Variants in NRXN3 observed in about 807,000 individuals in gnomAD.
The protein encoded by NRXN3 is neurexin III.
NRXN3 carries 32 observed loss-of-function variants against 137.6 expected under a neutral mutation model. That is an observed-to-expected ratio of 0.23 (90% CI 0.18 to 0.31). The LOEUF (loss-of-function observed/expected upper bound fraction) is 0.31. NRXN3 is among the 10% of genes least tolerant of loss of function. The probability of loss-of-function intolerance (pLI) is 1.00; values close to 1 mark genes in which losing one functional copy is unlikely to be tolerated. For synonymous variants in NRXN3, 798 were observed against 784.5 expected, an observed-to-expected ratio of 1.02 and a Z score of -0.29; for missense variants, 1,574 against 2,062.5, an observed-to-expected ratio of 0.76 and a Z score of 4.59.
chr14:78,396,763 C>G (rs1365107610), intron 4 of NRXN3, among the ~76,000 whole-genome samples: 1 of 151,648 alleles, frequency 6.6e-6, no homozygotes, highest in African/African-American at 2.4e-5. Flanking sequence ...TTTTTTTGGT[C>G]TTCAGTTTTG....
At chr14:78,926,783 A>T (rs558444732) in intron 10 of NRXN3, among the ~76,000 whole-genome samples, 22 of 32,246 alleles carry the variant, frequency 6.8e-4, no homozygotes, top group East Asian at 1.8e-3. Context: ...ATATATATAA[A>T]ATATATTATA....
At chr14:78,937,999 A>C (rs2099345373) in intron 10 of NRXN3, among the ~76,000 whole-genome samples, 1 of 152,266 alleles carries the variant, frequency 6.6e-6, no homozygotes, top group African/African-American at 2.4e-5. Context: ...CATTTAGACA[A>C]GTGATTATTA....
intron 19 of NRXN3, among the ~76,000 whole-genome samples, chr14:79,720,130 A>G (rs536750801): frequency 2.3e-4 from 35 of 152,204 alleles, no homozygotes; most frequent in East Asian, 1.2e-3. Context: ...CCACATGGCT[A>G]GGGAGGCCTC....
intron 3 of NRXN3, among the ~76,000 whole-genome samples, chr14:78,292,730 C>T (rs112845729): frequency 3.4e-3 from 513 of 152,242 alleles, no homozygotes; most frequent in Non-Finnish European, 4.8e-3. Context: ...AAGCCAGAGC[C>T]GATGGTGAGA....
At chr14:79,756,134 C>T (rs1226423783) in intron 19 of NRXN3, among the ~76,000 whole-genome samples, 1 of 152,134 alleles carries the variant, frequency 6.6e-6, no homozygotes, top group Non-Finnish European at 1.5e-5. Flanking sequence ...GAGTCTGGAA[C>T]ACATACGAGG....
intron 2 of NRXN3, among the ~76,000 whole-genome samples, chr14:78,254,854 T>C (rs1365018934): frequency 6.6e-6 from 1 of 151,708 alleles, no homozygotes; most frequent in Non-Finnish European, 1.5e-5. Context: ...CTTTCTTTTC[T>C]TTTTTTTAAA....
chr14:78,573,573 T>C (rs1414619211), intron 4 of NRXN3, among the ~76,000 whole-genome samples: 1 of 152,198 alleles, frequency 6.6e-6, no homozygotes, highest in Admixed American at 6.5e-5. Flanking sequence ...TCTATGGAAC[T>C]TTGAACTTGA....
chr14:78,409,696 A>T (rs1049114248), intron 4 of NRXN3, among the ~76,000 whole-genome samples: 2 of 152,208 alleles, frequency 1.3e-5, no homozygotes, highest in Admixed American at 6.5e-5. Context: ...AATAGAATGC[A>T]ATGGCAGGCA....
At chr14:78,800,095 T>C (rs1285628264) in intron 8 of NRXN3, among the ~76,000 whole-genome samples, 1 of 152,178 alleles carries the variant, frequency 6.6e-6, no homozygotes, top group Non-Finnish European at 1.5e-5. Context: ...TGTATATGCG[T>C]GCACATACAA....
intron 8 of NRXN3, among the ~76,000 whole-genome samples, chr14:78,727,595 C>T (rs1025320057): frequency 6.6e-6 from 1 of 152,126 alleles, no homozygotes; most frequent in Admixed American, 6.5e-5. Context: ...ATTAGCCAGG[C>T]ATGGTGGTGC....
chr14:78,557,075 G>C (rs543709172), intron 4 of NRXN3, among the ~76,000 whole-genome samples: 1 of 146,098 alleles, frequency 6.8e-6, no homozygotes, highest in Non-Finnish European at 1.5e-5. Context: ...TTCTGAGACC[G>C]GGACTTGCTC....
chr14:79,126,624 G>T (rs1166681700), intron 15 of NRXN3, among the ~76,000 whole-genome samples: 1 of 151,938 alleles, frequency 6.6e-6, no homozygotes, highest in East Asian at 1.9e-4. Context: ...GAATAATGCC[G>T]CAATAAACAT....
chr14:79,307,054 T>C (rs1026091168), intron 15 of NRXN3, among the ~76,000 whole-genome samples: 14 of 152,142 alleles, frequency 9.2e-5, no homozygotes, highest in African/African-American at 3.4e-4. Context: ...TAAACAACTT[T>C]GATTTAGTTT....
At chr14:78,457,323 C>T (rs903488275) in intron 4 of NRXN3, among the ~76,000 whole-genome samples, 9 of 152,154 alleles carry the variant, frequency 5.9e-5, no homozygotes, top group Non-Finnish European at 1.0e-4. Flanking sequence ...TGAGCCACCA[C>T]GCCCAGCCAG....
intron 4 of NRXN3, among the ~76,000 whole-genome samples, chr14:78,494,084 G>C (rs2095720574): frequency 6.6e-6 from 1 of 152,172 alleles, no homozygotes; most frequent in South Asian, 2.1e-4. Flanking sequence ...GCTGCCAGAA[G>C]AACCACTTAG....
At chr14:79,440,843 T>C (rs1249401773) in intron 15 of NRXN3, among the ~76,000 whole-genome samples, 1 of 152,204 alleles carries the variant, frequency 6.6e-6, no homozygotes, top group Non-Finnish European at 1.5e-5. Flanking sequence ...CACCATCTGG[T>C]GTGCTAGCTT....
At chr14:79,336,606 G>C (rs892711232) in intron 15 of NRXN3, among the ~76,000 whole-genome samples, 1 of 152,168 alleles carries the variant, frequency 6.6e-6, no homozygotes, top group African/African-American at 2.4e-5. Context: ...TGGGCTGGCT[G>C]TCCTTTCTTT....
intron 10 of NRXN3, among the ~76,000 whole-genome samples, chr14:78,954,283 A>G (rs1480983022): frequency 6.6e-6 from 1 of 152,206 alleles, no homozygotes; most frequent in Admixed American, 6.5e-5. Flanking sequence ...CTGGAGGCCA[A>G]GGGTTTTACA....
chr14:79,556,018 G>A (rs914644880), intron 16 of NRXN3, among the ~76,000 whole-genome samples: 2 of 152,190 alleles, frequency 1.3e-5, no homozygotes, highest in Non-Finnish European at 2.9e-5. Flanking sequence ...GCCCCAGAAA[G>A]AGAACACAGG....
Sources: allele counts gnomAD v4.1 joint callset (sites outside exome capture counted in the v4.1 genomes callset), GRCh38; gene constraint gnomAD v4.1.1; transcripts MANE v1.5; gene names NCBI Gene and HGNC (gene_info 2026-07-23, HGNC 2026-07-21).